REG4: variants seen among roughly 807,000 people sequenced by gnomAD.
REG4 encodes the protein regenerating islet-derived protein 4.
REG4 carries 16 observed loss-of-function variants against 22.3 expected under a neutral mutation model. That is an observed-to-expected ratio of 0.72 (90% CI 0.49 to 1.09). REG4 has a LOEUF of 1.09. Among genes scored for constraint, REG4 ranks in the 50% least tolerant of loss-of-function variants. The probability of loss-of-function intolerance (pLI) is 0.00; values close to 1 mark genes in which losing one functional copy is unlikely to be tolerated. For synonymous variants in REG4, 71 were observed against 69.2 expected, an observed-to-expected ratio of 1.03 and a Z score of -0.13; for missense variants, 214 against 193.9, an observed-to-expected ratio of 1.10 and a Z score of -0.61.
chr1:119,807,841 C>T (rs1233862583), intron 2 of REG4, among the ~76,000 whole-genome samples: 3 of 152,144 alleles, frequency 2.0e-5, no homozygotes, highest in Non-Finnish European at 2.9e-5. Flanking sequence ...AACCGTCCTA[C>T]CCTTGGCCAA....
At chr1:119,804,494 A>G (rs1419580622) in intron 2 of REG4, among the ~76,000 whole-genome samples, 1 of 152,228 alleles carries the variant, frequency 6.6e-6, no homozygotes, top group African/African-American at 2.4e-5. Flanking sequence ...TGAATAATGA[A>G]TAATGACCAA....
intron 5 of REG4, among the ~76,000 whole-genome samples, chr1:119,795,278 A>G (rs973811279): frequency 6.6e-6 from 1 of 152,216 alleles, no homozygotes; most frequent in East Asian, 1.9e-4. Flanking sequence ...AGGGGTTGAC[A>G]TGAATCAACT....
chr1:119,809,996 A>G (rs587756474), intron 1 of REG4, among the ~76,000 whole-genome samples: 3 of 151,874 alleles, frequency 2.0e-5, no homozygotes, highest in East Asian at 1.9e-4. Flanking sequence ...ACATTTTTCT[A>G]TTTCATTGTT....
intron 5 of REG4, 138 bp downstream of exon 5, chr1:119,798,359 C>T (rs951784433): frequency 1.8e-5 from 12 of 685,102 alleles, no homozygotes; most frequent in Admixed American, 4.0e-5. Flanking sequence ...GTGGCAAGGC[C>T]ACTGCCTTGC....
intron 4 of REG4, among the ~76,000 whole-genome samples, chr1:119,799,295 A>G (rs1451577702): frequency 6.6e-6 from 1 of 152,106 alleles, no homozygotes; most frequent in Non-Finnish European, 1.5e-5. Context: ...AACATCAAGG[A>G]TAACATAAAA....
chr1:119,794,187 A>G lies in REG4; in HGVS notation c.*431T>C, dbSNP rs587732153. 5.6e-6 allele frequency: 3 copies of G among 535,800 alleles called. No homozygotes were observed. The highest frequency in any genetic ancestry group is 4.2e-5 in the South Asian group (3 of 71,590). 33.2% of individuals were successfully genotyped at this position (535,800 alleles called of 1,614,324 possible). On this transcript the variant is annotated 3_prime_UTR_variant, in exon 6 of 6. Transcript: ENST00000256585. ...CATGGCCAAAGGAAAAACAAGCAGG[A>G]GTTGAGTGGCTGGGGTGGGGTGCAG...
At chr1:119,795,257 T>TGA (rs1239179046) in intron 5 of REG4, among the ~76,000 whole-genome samples, 1 of 152,156 alleles carries the variant, frequency 6.6e-6, no homozygotes, top group Non-Finnish European at 1.5e-5. Context: ...GCACTGCTTT[T>TGA]GAGGAAAGGC....
At chr1:119,810,868 C>T (rs776313435) in intron 1 of REG4, among the ~76,000 whole-genome samples, 3 of 152,036 alleles carry the variant, frequency 2.0e-5, no homozygotes, top group African/African-American at 4.8e-5. Context: ...GCCTGGCCAA[C>T]ATGGCACAAC....
At chr1:119,805,422 A>G (rs1426255194) in intron 2 of REG4, among the ~76,000 whole-genome samples, 2 of 152,060 alleles carry the variant, frequency 1.3e-5, no homozygotes, top group African/African-American at 2.4e-5. Flanking sequence ...GGTCTTGTGC[A>G]CTCTGAAGCA....
chr1:119,795,437 T>C (rs1299522953), intron 5 of REG4, among the ~76,000 whole-genome samples: 1 of 152,216 alleles, frequency 6.6e-6, no homozygotes, highest in African/African-American at 2.4e-5. Flanking sequence ...CAACAGGCCA[T>C]CTGCTTATGA....
At chr1:119,809,538 A>ACCTCT (rs1654432867) in intron 1 of REG4, among the ~76,000 whole-genome samples, 3 of 152,238 alleles carry the variant, frequency 2.0e-5, no homozygotes, top group Admixed American at 1.3e-4. Flanking sequence ...TGAGTAGCCT[A>ACCTCT]CAGATATCTT....
chr1:119,802,718 A>T, intron 3 of REG4: 1 of 1,436,740 alleles, frequency 7.0e-7, no homozygotes, highest in Admixed American at 3.0e-5. Flanking sequence ...AATCTTGTAC[A>T]GAAACTCCAT....
chr1:119,805,709 C>T (rs1330976404), intron 2 of REG4, among the ~76,000 whole-genome samples: 1 of 152,044 alleles, frequency 6.6e-6, no homozygotes, highest in Non-Finnish European at 1.5e-5. Flanking sequence ...TCTCCGTTCT[C>T]TCCCTGTCTT....
chr1:119,807,966 T>C (rs1184510598), intron 2 of REG4, among the ~76,000 whole-genome samples: 3 of 152,140 alleles, frequency 2.0e-5, no homozygotes, highest in Non-Finnish European at 4.4e-5. Flanking sequence ...CTCTTACATG[T>C]CCAACACCCA....
At chr1:119,805,976 G>A (rs1010243845) in intron 2 of REG4, among the ~76,000 whole-genome samples, 4 of 152,196 alleles carry the variant, frequency 2.6e-5, no homozygotes, top group African/African-American at 9.7e-5. Context: ...CCATCGCCCA[G>A]GCTGGAGGGC....
chr1:119,804,380 C>T (rs965512833), intron 2 of REG4, among the ~76,000 whole-genome samples: 14 of 152,238 alleles, frequency 9.2e-5, no homozygotes, highest in African/African-American at 3.4e-4. Flanking sequence ...GGTTGTATGC[C>T]CCTATCCAGC....
chr1:119,803,801 G>A (rs1275217248), intron 2 of REG4, among the ~76,000 whole-genome samples: 1 of 152,198 alleles, frequency 6.6e-6, no homozygotes, highest in African/African-American at 2.4e-5. Context: ...ACTGGAACTT[G>A]AGCATAGGTG....
intron 4 of REG4, 82 bp from the exon 5 acceptor site, chr1:119,798,684 A>G: frequency 1.0e-6 from 1 of 973,822 alleles, no homozygotes; most frequent in Non-Finnish European, 1.6e-6. Context: ...TCCCCTTTAA[A>G]ACATGGTTTT....
intron 1 of REG4, 40 bp from the exon 2 acceptor site, chr1:119,808,903 A>G: frequency 1.8e-6 from 1 of 570,988 alleles, no homozygotes; most frequent in Non-Finnish European, 3.1e-6. Context: ...CCAGGAATCT[A>G]GATGCCAACT....
Sources: gnomAD v4.1 joint callset for allele counts (sites outside exome capture counted in the v4.1 genomes callset) on GRCh38, gnomAD v4.1.1 for gene constraint, MANE v1.5 for transcripts, NCBI Gene and HGNC (gene_info 2026-07-23, HGNC 2026-07-21) for gene names.